Variants in CRYBA1 observed in about 807,000 individuals in gnomAD.
The protein encoded by CRYBA1 is beta-crystallin A3.
A neutral mutation model predicts 36.2 loss-of-function variants in CRYBA1; 25 were observed. The ratio of observed to expected loss-of-function variants is 0.69; its 90% CI spans 0.50 to 0.97. The LOEUF (loss-of-function observed/expected upper bound fraction) is 0.97. Among genes scored for constraint, CRYBA1 ranks in the 50% least tolerant of loss-of-function variants. CRYBA1 has a pLI of 0.00. For missense variants in CRYBA1, 224 were observed against 276.3 expected, an observed-to-expected ratio of 0.81 and a Z score of 1.34; for synonymous variants, 111 against 90.0, an observed-to-expected ratio of 1.23 and a Z score of -1.32.
intron 4 of CRYBA1, 59 bp from the exon 5 acceptor site, chr17:29,253,581 T>C (rs1567671618): frequency 2.9e-6 from 4 of 1,398,842 alleles, no homozygotes; most frequent in Non-Finnish European, 3.0e-6. Context: ...TTGAAAAACA[T>C]GAAGAATGAT....
intron 2 of CRYBA1, among the ~76,000 whole-genome samples, chr17:29,249,459 C>A (rs1412163794): frequency 1.3e-5 from 2 of 152,202 alleles, no homozygotes; most frequent in Non-Finnish European, 1.5e-5. Flanking sequence ...CTCTCCTCCC[C>A]ACTAAAGTCA....
chr17:29,249,192 C>T lies in CRYBA1; in HGVS notation c.82C>T (p.Leu28=), dbSNP rs1201586243. 6.2e-7 allele frequency: 1 copy of T among 1,612,366 alleles called. No individual in the cohort carries two copies. Among genetic ancestry groups the T allele is most frequent in the South Asian group, 1.1e-5 (1 of 91,040 alleles). The change falls in exon 2 of 6, where the codon CTG becomes TTG. Residue 28 remains leucine, a synonymous_variant. Coordinates refer to ENST00000225387, the MANE Select transcript of CRYBA1 (RefSeq NM_005208.5). ...MAQTNPTPGS[L]GPWKITIYDQ... is the part of the protein sequence containing the mutation. Reference sequence around the variant, plus strand: ...TCAGACCAACCCTACGCCGGGGTCCCTGGGGCCATGGAAGGTAAGCCCACC... The same window carrying T: ...TCAGACCAACCCTACGCCGGGGTCCTTGGGGCCATGGAAGGTAAGCCCACC...
At chr17:29,254,112 C>A in intron 5 of CRYBA1, 90 bp from the exon 6 acceptor site, 1 of 1,397,474 alleles carries the variant, frequency 7.2e-7, no homozygotes, top group Non-Finnish European at 1.0e-6. Flanking sequence ...GCATCTCATA[C>A]CATTGTGTTG....
Position 29,253,790 on chromosome 17 carries a change from C to T in CRYBA1, c.500+8C>T. On this transcript the variant is annotated splice_region_variant and intron_variant, in intron 5 of 5. Transcript: ENST00000225387. Reference sequence around the variant, plus strand: ...GAAGATACAAAGTGGGGCGTAAGTACAAAAACAGGGTTGGAATATACTTCA... The same window carrying T: ...GAAGATACAAAGTGGGGCGTAAGTATAAAAACAGGGTTGGAATATACTTCA... 1 of 1,614,042 alleles carries T rather than the reference C, an allele frequency of 6.2e-7. No homozygotes were observed. Among genetic ancestry groups the T allele is most frequent in the Non-Finnish European group, 8.5e-7 (1 of 1,179,978 alleles).
At position 29,254,290 on chromosome 17, in the gene CRYBA1, G is replaced by A. The variant is rs866616962; in HGVS notation, c.589G>A (p.Glu197Lys). 1 of 1,614,152 alleles carries A rather than the reference G, an allele frequency of 6.2e-7. No homozygotes were observed. Among genetic ancestry groups the A allele is most frequent in the Non-Finnish European group, 8.5e-7 (1 of 1,180,020 alleles). Residue 197 changes from glutamate to lysine, a missense_variant, in exon 6 of 6, where the codon GAG becomes AAG. Transcript: ENST00000225387. Reference protein sequence around the residue: ...HHGGDYKHWREWGSHAQTSQI... With the variant: ...HHGGDYKHWRKWGSHAQTSQI... ...TGGAGGAGACTATAAACATTGGAGAGAGTGGGGCTCTCATGCCCAGACTTC... is the reference window on the plus strand; with the variant it reads ...TGGAGGAGACTATAAACATTGGAGAAAGTGGGGCTCTCATGCCCAGACTTC...
intron 3 of CRYBA1, 24 bp from the exon 4 acceptor site, chr17:29,252,040 A>T: frequency 6.2e-7 from 1 of 1,614,172 alleles, no homozygotes; most frequent in Non-Finnish European, 8.5e-7. Flanking sequence ...AACACCATGA[A>T]CAAACACTAC....
rs555697197 is a variant in CRYBA1 at position 29,254,142 on chromosome 17, T to G, written c.501-60T>G. 9 of 1,578,724 alleles carry G rather than the reference T, an allele frequency of 5.7e-6. No individual in the cohort carries two copies. In the African/African-American group the frequency reaches 9.4e-5, roughly 17 times the overall value. On this transcript the variant is annotated intron_variant, in intron 5 of 5. Transcript: ENST00000225387. The stretch of plus-strand genomic sequence containing the variant: ...GTGTTGAGTAAAGAGGCTCAGGTTT[T>G]GGGGTATTAACCAGATTCCTAATTA...
At chr17:29,248,260 CAA>C (rs1002090551) in intron 1 of CRYBA1, among the ~76,000 whole-genome samples, 2 of 151,834 alleles carry the variant, frequency 1.3e-5, no homozygotes, top group Non-Finnish European at 2.9e-5. Flanking sequence ...AGGTGGTTGC[CAA>C]AGAGTTTATA....
chr17:29,254,195 T>A lies in CRYBA1; in HGVS notation c.501-7T>A. On this transcript the variant is annotated splice_region_variant and splice_polypyrimidine_tract_variant and intron_variant, in intron 5 of 5. Transcript: ENST00000225387. The stretch of plus-strand genomic sequence containing the variant: ...TTTAATAATGAAATGTACTTTGAAT[T>A]TCCTAGCTGGGTTTGCTACCAATAT... The A allele has an allele frequency of 1.2e-6, 2 of 1,614,098 alleles. No individual in the cohort carries two copies. Among genetic ancestry groups the A allele is most frequent in the Non-Finnish European group, 1.7e-6 (2 of 1,179,996 alleles).
Sources: gnomAD v4.1 joint callset for allele counts (sites outside exome capture counted in the v4.1 genomes callset) on GRCh38, gnomAD v4.1.1 for gene constraint, MANE v1.5 for transcripts, NCBI Gene and HGNC (gene_info 2026-07-23, HGNC 2026-07-21) for gene names.